Variants in PITPNM3 observed in about 807,000 individuals in gnomAD.
PITPNM3 encodes the protein PITPNM family member 3, also known as membrane-associated phosphatidylinositol transfer protein 3.
A neutral mutation model predicts 102.0 loss-of-function variants in PITPNM3; 26 were observed. The observed-to-expected ratio is 0.25, with a 90% CI of 0.19 to 0.35. The LOEUF is 0.35. Ranked by LOEUF, PITPNM3 falls within the 10% of genes least tolerant of loss-of-function variation. The pLI is 1.00. For missense variants in PITPNM3, 1,083 were observed against 1,346.1 expected, an observed-to-expected ratio of 0.80 and a Z score of 3.06; for synonymous variants, 578 against 558.6, an observed-to-expected ratio of 1.03 and a Z score of -0.49.
Position 6,461,568 on chromosome 17 carries a change from G to T in PITPNM3, c.2307-12C>A, listed in dbSNP as rs375605801. 5.0e-6 allele frequency: 8 copies of T among 1,613,722 alleles called. No homozygotes were observed. Among genetic ancestry groups the T allele is most frequent in the Non-Finnish European group, 6.8e-6 (8 of 1,179,830 alleles). ...AGTCCTGCCAGTGCCTGGTGAGATG[G>T]CATTAGAAGGGTCCAGCCCTGCCCA... On this transcript the variant is annotated splice_polypyrimidine_tract_variant and intron_variant, in intron 17 of 19. Coordinates refer to ENST00000262483, the MANE Select transcript of PITPNM3 (RefSeq NM_031220.4).
chr17:6,541,286 AGTGTGT>A (rs113549938), intron 1 of PITPNM3, among the ~76,000 whole-genome samples: 31 of 145,708 alleles, frequency 2.1e-4, no homozygotes, highest in East Asian at 4.1e-4. Flanking sequence ...ATATGCTAAG[AGTGTGT>A]GTGTGTGTGT....
chr17:6,476,672 AAC>A (rs1905315727), intron 9 of PITPNM3, among the ~76,000 whole-genome samples: 1 of 152,222 alleles, frequency 6.6e-6, no homozygotes, highest in Non-Finnish European at 1.5e-5. Flanking sequence ...TGACTCACAA[AAC>A]ACAGTCACAG....
intron 1 of PITPNM3, among the ~76,000 whole-genome samples, chr17:6,551,022 C>T (rs1166007822): frequency 1.3e-5 from 2 of 152,190 alleles, no homozygotes; most frequent in Admixed American, 6.5e-5. Context: ...GTGAGGCCAT[C>T]CAAGTTCCAG....
rs78615131 is a variant in PITPNM3 at position 6,534,253 on chromosome 17, C to T, written c.118+3734G>A. Among the ~76,000 whole-genome samples the T allele has an allele frequency of 7.4e-4, 112 of 152,286 alleles. 1 individual carries two copies. In the East Asian group the frequency reaches 9.7e-3, roughly 13 times the overall value. Reference sequence around the variant, plus strand: ...CATAGCCCACCCTGCAGCATCTAATCACTCCTGAGCCCCAGACCTGCCACC... The same window carrying T: ...CATAGCCCACCCTGCAGCATCTAATTACTCCTGAGCCCCAGACCTGCCACC... On this transcript the variant is annotated intron_variant, in intron 2 of 19. Transcript: ENST00000262483.
In PITPNM3 at chr17:6,469,084, A is replaced by C. The variant is rs1395796875; in HGVS notation, c.1774-743T>G. 6.6e-6 allele frequency among the ~76,000 whole-genome samples: 1 copy of C among 152,020 alleles called. No homozygotes were observed. Among genetic ancestry groups the C allele is most frequent in the African/African-American group, 2.4e-5 (1 of 41,382 alleles). ...TCAGGGATGTCCTCTTCTCTCCTTCAGTGGCTTCTCCTTCTCTCCCTGGGG... is the reference window on the plus strand; with the variant it reads ...TCAGGGATGTCCTCTTCTCTCCTTCCGTGGCTTCTCCTTCTCTCCCTGGGG... On this transcript the variant is annotated intron_variant, in intron 13 of 19. Coordinates refer to ENST00000262483, the MANE Select transcript of PITPNM3 (RefSeq NM_031220.4). This position sits in a 1 kb window ranked among gnomAD's most constrained non-coding sequence, Gnocchi z 4.0.
At chr17:6,507,664 C>G (rs1907617656) in intron 3 of PITPNM3, among the ~76,000 whole-genome samples, 1 of 152,116 alleles carries the variant, frequency 6.6e-6, no homozygotes, top group African/African-American at 2.4e-5. Flanking sequence ...ATACCTGCAG[C>G]CCTCTGGAGC....
At chr17:6,485,623 C>T (rs1020605401) in intron 4 of PITPNM3, among the ~76,000 whole-genome samples, 1 of 152,148 alleles carries the variant, frequency 6.6e-6, no homozygotes, top group African/African-American at 2.4e-5. Context: ...AGGTAGACTC[C>T]CAGAGAGTTA....
At chr17:6,455,682 G>T in intron 19 of PITPNM3, 39 bp from the exon 20 acceptor site, 1 of 1,490,108 alleles carries the variant, frequency 6.7e-7, no homozygotes, top group Non-Finnish European at 9.0e-7. Flanking sequence ...GGCAGGGCAG[G>T]GCAGCAGCGC....
At position 6,483,553 on chromosome 17, in the gene PITPNM3, G is replaced by C; in HGVS notation, c.551C>G (p.Pro184Arg). The change falls in exon 6 of 20, where the codon CCT (proline) becomes CGT (arginine). Residue 184 changes from proline to arginine, a missense_variant. Physicochemically the swap from Pro to Arg is moderately radical, Grantham distance 103. Around this residue, in one of 5 missense-constraint regions of PITPNM3, gnomAD observed 290 missense variants for 337.8 expected, o/e 0.86. Transcript: ENST00000262483. ...GHILIKFVPC[P>R]AICSEAFSLV... Reference sequence around the variant, plus strand: ...CGAGAAAGCCTCAGAGCAGATGGCAGGACAGGGGACGAACTTGATGAGGAT... The same window carrying C: ...CGAGAAAGCCTCAGAGCAGATGGCACGACAGGGGACGAACTTGATGAGGAT... 1 of 1,614,030 alleles carries C rather than the reference G, an allele frequency of 6.2e-7. No individual in the cohort carries two copies. Among genetic ancestry groups the C allele is most frequent in the Non-Finnish European group, 8.5e-7 (1 of 1,180,014 alleles).
chr17:6,495,492 G>A (rs945117616), intron 4 of PITPNM3, among the ~76,000 whole-genome samples: 4 of 152,094 alleles, frequency 2.6e-5, no homozygotes, highest in African/African-American at 7.2e-5. Flanking sequence ...GGGTCCCTTC[G>A]CAACTCCAGG....
chr17:6,554,434 T>C (rs974919227), intron 1 of PITPNM3, among the ~76,000 whole-genome samples: 20 of 151,266 alleles, frequency 1.3e-4, no homozygotes, highest in Admixed American at 1.2e-3. Flanking sequence ...CTGCTGAGTG[T>C]GGGGGGCAGG....
intron 1 of PITPNM3, among the ~76,000 whole-genome samples, chr17:6,546,231 G>C (rs906828395): frequency 6.6e-6 from 1 of 152,230 alleles, no homozygotes; most frequent in Non-Finnish European, 1.5e-5. Context: ...ATGTGCCACC[G>C]ATGAGCTCAT....
At chr17:6,464,589 A>G (rs1904664977) in intron 15 of PITPNM3, 66 bp downstream of exon 15, 3 of 1,472,342 alleles carry the variant, frequency 2.0e-6, no homozygotes, top group Non-Finnish European at 9.4e-7. Flanking sequence ...CCCACACGCT[A>G]TGTGGCTCCA....
chr17:6,556,421 G>A lies in PITPNM3; in HGVS notation c.-15C>T. Reference sequence around the variant, plus strand: ...GCCTTGGCCATGTCCCGGGCGGCGGGCTCCGGCGGCGCTACGCGCGCTCCT... The same window carrying A: ...GCCTTGGCCATGTCCCGGGCGGCGGACTCCGGCGGCGCTACGCGCGCTCCT... On this transcript the variant is annotated 5_prime_UTR_variant, in exon 1 of 20. Transcript: ENST00000262483. This position sits in a 1 kb window ranked among gnomAD's most constrained non-coding sequence, Gnocchi z 5.2. 1 of 1,279,188 alleles carries A rather than the reference G, an allele frequency of 7.8e-7. No individual in the cohort carries two copies. Among genetic ancestry groups the A allele is most frequent in the Non-Finnish European group, 9.9e-7 (1 of 1,012,666 alleles). 79.2% of individuals were successfully genotyped at this position (1,279,188 alleles called of 1,614,324 possible).
chr17:6,540,296 G>A (rs1406317744), intron 1 of PITPNM3, among the ~76,000 whole-genome samples: 4 of 152,204 alleles, frequency 2.6e-5, no homozygotes, highest in Admixed American at 2.6e-4. Flanking sequence ...TCTGCAGGCG[G>A]GGAAGGAAAA....
At chr17:6,546,417 T>G (rs1290580442) in intron 1 of PITPNM3, among the ~76,000 whole-genome samples, 1 of 152,236 alleles carries the variant, frequency 6.6e-6, no homozygotes, top group African/African-American at 2.4e-5. Context: ...TGACTTCAGA[T>G]TGCAGAACTG....
At chr17:6,481,889 GAGAGA>G in intron 6 of PITPNM3, 2 of 110,710 alleles carry the variant, frequency 1.8e-5, no homozygotes, top group Admixed American at 1.0e-4. Flanking sequence ...GAGAGAGAGA[GAGAGA>G]GAGAGAATAC....
At position 6,477,893 on chromosome 17, in the gene PITPNM3, G is replaced by A. The variant is rs201150656; in HGVS notation, c.900+82C>T. 306 of 1,593,392 alleles carry A rather than the reference G, an allele frequency of 1.9e-4. 1 individual carries two copies. The highest frequency in any genetic ancestry group is 2.4e-4 in the Non-Finnish European group (286 of 1,174,728). ...GACCTGGATGTCATGGTGCCAACGT[G>A]AAGAACCAGCACTCTCTCCCCGAGG... On this transcript the variant is annotated intron_variant, in intron 8 of 19. Transcript: ENST00000262483.
chr17:6,484,162 G>A, intron 5 of PITPNM3, 54 bp downstream of exon 5: 1 of 1,517,750 alleles, frequency 6.6e-7, no homozygotes, highest in East Asian at 2.3e-5. Context: ...GAGGGCTCTT[G>A]CTAAAATCCT....
Sources: allele counts gnomAD v4.1 joint callset (sites outside exome capture counted in the v4.1 genomes callset), GRCh38; gene constraint gnomAD v4.1.1; regional missense constraint gnomAD v4.1.1; non-coding constraint Gnocchi (gnomAD v3.1); transcripts MANE v1.5; gene names NCBI Gene and HGNC (gene_info 2026-07-23, HGNC 2026-07-21).